The following DGCR2 variants were observed in gnomAD, a reference collection of about 807,000 sequenced individuals.
DGCR2 encodes the protein integral membrane protein DGCR2/IDD.
In DGCR2, 24 loss-of-function variants were observed where a neutral mutation model predicts 51.6. That is an observed-to-expected ratio of 0.47 (90% CI 0.34 to 0.65). The LOEUF (loss-of-function observed/expected upper bound fraction) is 0.65, where lower values mean the gene tolerates loss of function less well. Ranked by LOEUF, DGCR2 falls within the 30% of genes least tolerant of loss-of-function variation. The pLI is 0.01. For synonymous variants in DGCR2, 340 were observed against 315.4 expected (o/e 1.08, Z -0.82); for missense variants, 765 against 772.1 (o/e 0.99, Z 0.11).
At chr22:19,099,325 A>G (rs2083175397) in intron 1 of DGCR2, among the ~76,000 whole-genome samples, 1 of 152,192 alleles carries the variant, frequency 6.6e-6, no homozygotes, top group Non-Finnish European at 1.5e-5. Context: ...CACGCCTGTT[A>G]CCCCAACACT....
rs2083028834 is a variant in DGCR2 at position 19,087,385 on chromosome 22, A to G, written c.202+1983T>C. 3.3e-5 allele frequency among the ~76,000 whole-genome samples: 5 copies of G among 152,220 alleles called. No homozygotes were observed. In the South Asian group the frequency reaches 1.0e-3, roughly 32 times the overall value. ...GATGATCAGGAGGGGCCCCCTCTAA[A>G]CAGCATTCTTTTCTTTTTTTTTGAA... On this transcript the variant is annotated intron_variant, in intron 2 of 9. Transcript: ENST00000263196.
At position 19,051,539 on chromosome 22, in the gene DGCR2, A is replaced by C. The variant is rs1364888376; in HGVS notation, c.803-2896T>G. ...AGTTGCGTTTGAAGCCAGCCTAGGC[A>C]ACATAGTGAGATCCTATCTCTATAG... is the stretch of plus-strand genomic sequence containing the variant. On this transcript the variant is annotated intron_variant, in intron 6 of 9. Coordinates refer to ENST00000263196, the MANE Select transcript of DGCR2 (RefSeq NM_005137.3). 2.0e-5 allele frequency among the ~76,000 whole-genome samples: 3 copies of C among 152,220 alleles called. No homozygotes were observed. In the South Asian group the frequency reaches 6.2e-4, roughly 31 times the overall value.
At chr22:19,118,617 G>A (rs2083398575) in intron 1 of DGCR2, among the ~76,000 whole-genome samples, 1 of 152,078 alleles carries the variant, frequency 6.6e-6, no homozygotes, top group Admixed American at 6.6e-5. Flanking sequence ...ATAGAAGGAA[G>A]ACGACCTTCT....
At chr22:19,042,757 T>C (rs2082447408) in intron 7 of DGCR2, among the ~76,000 whole-genome samples, 1 of 152,118 alleles carries the variant, frequency 6.6e-6, no homozygotes, top group Non-Finnish European at 1.5e-5. Flanking sequence ...TTGCCACAAC[T>C]CCCTGATGGA....
At chr22:19,056,479 G>A in intron 6 of DGCR2, 2 of 545,612 alleles carry the variant, frequency 3.7e-6, no homozygotes, top group African/African-American at 2.0e-5. Flanking sequence ...TGATGGTGAA[G>A]AGGAAGGGGA....
intron 3 of DGCR2, chr22:19,065,992 T>C (rs1307945226): frequency 1.3e-5 from 2 of 152,148 alleles, no homozygotes; most frequent in Non-Finnish European, 2.9e-5. Context: ...GGCACATAGA[T>C]TACAGAAAAA....
intron 6 of DGCR2, among the ~76,000 whole-genome samples, chr22:19,051,188 CAAAAAAAAAAAA>C (rs61277487): frequency 5.5e-5 from 3 of 54,850 alleles, no homozygotes; most frequent in African/African-American, 1.7e-4. Flanking sequence ...AATTCTGTCA[CAAAAAAAAAAAA>C]AAAAAAAAAA....
chr22:19,083,517 A>G (rs1460925567), intron 2 of DGCR2, among the ~76,000 whole-genome samples: 2 of 152,232 alleles, frequency 1.3e-5, no homozygotes, highest in Non-Finnish European at 2.9e-5. Context: ...AATCCACAGA[A>G]CAATATGAGT....
At chr22:19,061,810 C>G (rs1440135173) in intron 5 of DGCR2, 1 of 152,168 alleles carries the variant, frequency 6.6e-6, no homozygotes. Flanking sequence ...TGTGGGGCCC[C>G]TTGCACGTTG....
chr22:19,063,129 G>C (rs1023311400), intron 5 of DGCR2, 73 bp downstream of exon 5: 31 of 1,411,678 alleles, frequency 2.2e-5, no homozygotes, highest in South Asian at 7.0e-5. Flanking sequence ...CTGGGTAAGA[G>C]GGAGGAGGGG....
intron 9 of DGCR2, among the ~76,000 whole-genome samples, chr22:19,039,362 G>A (rs1224936091): frequency 6.6e-6 from 1 of 152,156 alleles, no homozygotes; most frequent in East Asian, 1.9e-4. Flanking sequence ...AAGGTGCAGG[G>A]CCCATCTCAC....
chr22:19,105,712 C>G (rs1335761934), intron 1 of DGCR2, among the ~76,000 whole-genome samples: 1 of 148,718 alleles, frequency 6.7e-6, no homozygotes, highest in Non-Finnish European at 1.5e-5. Context: ...CTGCGTCAGA[C>G]AGAGAGCAGA....
rs2082729344 is a variant in DGCR2, at chr22:19,064,829, TCCC to T, written c.548+16_548+18del. The T allele has an allele frequency of 6.2e-7, 1 of 1,608,530 alleles. No homozygotes were observed. The highest frequency in any genetic ancestry group is 8.5e-7 in the Non-Finnish European group (1 of 1,176,560). ...CAGACTCTGACTCCAGCCCCTCAGG[TCCC>T]CAATCCAGGACTCACTTGCGCTGGT... On this transcript the variant is annotated intron_variant, in intron 4 of 9. Coordinates refer to ENST00000263196, the MANE Select transcript of DGCR2 (RefSeq NM_005137.3).
intron 6 of DGCR2, 71 bp downstream of exon 6, chr22:19,056,915 G>C (rs2082609857): frequency 1.4e-6 from 2 of 1,465,000 alleles, no homozygotes. Context: ...CCGAAACCTT[G>C]AACTCAGGGT....
At chr22:19,052,499 G>A (rs542998743) in intron 6 of DGCR2, among the ~76,000 whole-genome samples, 14 of 151,936 alleles carry the variant, frequency 9.2e-5, no homozygotes, top group Non-Finnish European at 2.1e-4. Flanking sequence ...GGATGTTCAC[G>A]GCAGTTTTCA....
At chr22:19,114,238 A>G (rs1320105363) in intron 1 of DGCR2, among the ~76,000 whole-genome samples, 2 of 152,120 alleles carry the variant, frequency 1.3e-5, no homozygotes, top group African/African-American at 4.8e-5. Flanking sequence ...AATAAAAAAT[A>G]TAATTCCATT....
chr22:19,118,388 A>C (rs2083395636), intron 1 of DGCR2, among the ~76,000 whole-genome samples: 1 of 151,294 alleles, frequency 6.6e-6, no homozygotes, highest in South Asian at 2.1e-4. Flanking sequence ...AAAAAAAAAA[A>C]AAAAAAAAAA....
chr22:19,079,534 A>G (rs1406424222), intron 2 of DGCR2, among the ~76,000 whole-genome samples: 2 of 152,202 alleles, frequency 1.3e-5, no homozygotes, highest in Admixed American at 6.5e-5. Flanking sequence ...CATTTTACCA[A>G]TGTCAGAATA....
At chr22:19,085,516 T>A (rs769782183) in intron 2 of DGCR2, among the ~76,000 whole-genome samples, 1 of 152,204 alleles carries the variant, frequency 6.6e-6, no homozygotes, top group Non-Finnish European at 1.5e-5. Context: ...ACACATGTCA[T>A]AGGGCAAATG....
Sources: allele counts gnomAD v4.1 joint callset (sites outside exome capture counted in the v4.1 genomes callset), GRCh38; gene constraint gnomAD v4.1.1; transcripts MANE v1.5; gene names NCBI Gene and HGNC (gene_info 2026-07-23, HGNC 2026-07-21).